RNF150: variants seen among roughly 807,000 people sequenced by gnomAD.
The protein encoded by RNF150 is ring finger protein 150.
Under a neutral mutation model 39.3 loss-of-function variants are expected in RNF150, and 24 were observed. The ratio of observed to expected loss-of-function variants is 0.61; its 90% CI spans 0.44 to 0.86. The LOEUF (loss-of-function observed/expected upper bound fraction) is 0.86. RNF150 is among the 40% of genes least tolerant of loss of function. The pLI is 0.00. For missense variants in RNF150, 502 were observed against 587.8 expected (o/e 0.85, Z 1.51); for synonymous variants, 255 against 227.3 (o/e 1.12, Z -1.10).
intron 1 of RNF150, among the ~76,000 whole-genome samples, chr4:141,088,289 T>G (rs1738443010): frequency 6.6e-6 from 1 of 152,128 alleles, no homozygotes; most frequent in Non-Finnish European, 1.5e-5. Flanking sequence ...CGATCCAGTC[T>G]CCTGATTTCT....
chr4:141,103,271 T>C (rs113848991), intron 1 of RNF150, among the ~76,000 whole-genome samples: 34 of 152,330 alleles, frequency 2.2e-4, no homozygotes, highest in African/African-American at 7.7e-4. Context: ...TAGATCCTCA[T>C]GGATTTATGT....
At chr4:140,991,151 G>A (rs1734184552) in intron 1 of RNF150, among the ~76,000 whole-genome samples, 1 of 152,112 alleles carries the variant, frequency 6.6e-6, no homozygotes, top group African/African-American at 2.4e-5. Context: ...CTTCTTTTGA[G>A]AAGTATCTGT....
chr4:141,056,956 T>C (rs1382259350), intron 1 of RNF150, among the ~76,000 whole-genome samples: 3 of 152,108 alleles, frequency 2.0e-5, no homozygotes, highest in Admixed American at 2.0e-4. Flanking sequence ...GATAATAGTG[T>C]AGTTACTTAA....
chr4:140,964,564 C>A (rs941369097), intron 2 of RNF150, among the ~76,000 whole-genome samples: 1 of 151,870 alleles, frequency 6.6e-6, no homozygotes, highest in Non-Finnish European at 1.5e-5. Context: ...CTAGAACTAA[C>A]TGAAGAAAAG....
intron 1 of RNF150, among the ~76,000 whole-genome samples, chr4:141,187,999 C>A (rs1578787833): frequency 6.6e-6 from 1 of 151,968 alleles, no homozygotes; most frequent in African/African-American, 2.4e-5. Flanking sequence ...TTTTCCTTTC[C>A]ATATTTAGTG....
In RNF150 at chr4:140,965,309, C is replaced by A. The variant is rs534296883; in HGVS notation, c.735+2314G>T. Among the ~76,000 whole-genome samples, 68 of 152,038 alleles carry A rather than the reference C, an allele frequency of 4.5e-4. 1 individual carries two copies. Among genetic ancestry groups the A allele is most frequent in the Non-Finnish European group, 8.7e-4 (59 of 67,940 alleles). Reference sequence around the variant, plus strand: ...TTGGTGGGAATGTAGATGGGCACAGCCATTAGGGGAAACGGTACAGAGGTT... The same window carrying A: ...TTGGTGGGAATGTAGATGGGCACAGACATTAGGGGAAACGGTACAGAGGTT... On this transcript the variant is annotated intron_variant, in intron 2 of 6. Coordinates refer to ENST00000515673, the MANE Select transcript of RNF150 (RefSeq NM_020724.2).
chr4:140,884,713 G>A (rs2111212403), intron 6 of RNF150, among the ~76,000 whole-genome samples: 1 of 152,166 alleles, frequency 6.6e-6, no homozygotes, highest in Non-Finnish European at 1.5e-5. Flanking sequence ...CTGACCTGCT[G>A]CCTTGTTCCT....
chr4:141,004,568 T>A lies in RNF150; in HGVS notation c.485-36695A>T, dbSNP rs182177868. Among the ~76,000 whole-genome samples the A allele has an allele frequency of 1.7e-3, 266 of 152,334 alleles. 1 individual carries two copies. The highest frequency in any genetic ancestry group is 1.7e-3 in the Non-Finnish European group (115 of 68,026). On this transcript the variant is annotated intron_variant, in intron 1 of 6. Transcript: ENST00000515673. ...AATGTTCTAGAAATGCAGTTGTTGGTGAGAACTCTCCCATAAGAGGCTACA... is the reference window on the plus strand; with the variant it reads ...AATGTTCTAGAAATGCAGTTGTTGGAGAGAACTCTCCCATAAGAGGCTACA...
intron 1 of RNF150, among the ~76,000 whole-genome samples, chr4:141,001,540 C>T (rs73860203): frequency 0.075 from 11,340 of 152,032 alleles, 472 homozygotes; most frequent in Middle Eastern, 0.16. Flanking sequence ...TTTTTACAAG[C>T]TTTCATTAAT....
At chr4:141,101,432 G>A (rs934333858) in intron 1 of RNF150, among the ~76,000 whole-genome samples, 7 of 139,982 alleles carry the variant, frequency 5.0e-5, no homozygotes, top group African/African-American at 1.7e-4. Context: ...CCATTGGAAG[G>A]TCTTCAGGGG....
At chr4:141,148,953 T>C (rs1727249802) in intron 1 of RNF150, among the ~76,000 whole-genome samples, 1 of 152,196 alleles carries the variant, frequency 6.6e-6, no homozygotes, top group Non-Finnish European at 1.5e-5. Flanking sequence ...AGTCCATCCA[T>C]AGAGCCTGTC....
At chr4:140,931,295 G>A in intron 4 of RNF150, among the ~76,000 whole-genome samples, 1 of 87,412 alleles carries the variant, frequency 1.1e-5, no homozygotes, top group East Asian at 3.3e-4. Flanking sequence ...AAAAAAATCA[G>A]AGGGAGAACT....
intron 1 of RNF150, among the ~76,000 whole-genome samples, chr4:141,070,602 A>T (rs941763755): frequency 6.6e-6 from 1 of 151,026 alleles, no homozygotes; most frequent in Non-Finnish European, 1.5e-5. Flanking sequence ...AAAAGAAGAC[A>T]TTTATGCAGC....
intron 1 of RNF150, among the ~76,000 whole-genome samples, chr4:141,127,869 C>T (rs1726792292): frequency 6.6e-6 from 1 of 152,152 alleles, no homozygotes; most frequent in Admixed American, 6.5e-5. Context: ...CATACCATTT[C>T]CTCAACATCA....
At chr4:140,994,279 T>C (rs1005888284) in intron 1 of RNF150, among the ~76,000 whole-genome samples, 6 of 152,184 alleles carry the variant, frequency 3.9e-5, no homozygotes, top group Admixed American at 1.3e-4. Flanking sequence ...GCCAGATCTC[T>C]CCACATTAAA....
intron 1 of RNF150, among the ~76,000 whole-genome samples, chr4:141,039,775 T>A (rs1669308711): frequency 6.6e-6 from 1 of 152,092 alleles, no homozygotes; most frequent in Non-Finnish European, 1.5e-5. Flanking sequence ...GCTGATGATT[T>A]CCCCAGAGTC....
At chr4:140,952,448 T>C (rs1578998278) in intron 2 of RNF150, among the ~76,000 whole-genome samples, 1 of 152,232 alleles carries the variant, frequency 6.6e-6, no homozygotes. Context: ...AAAGACTGCA[T>C]TAAACTTTGG....
chr4:140,997,803 G>A (rs894951059), intron 1 of RNF150, among the ~76,000 whole-genome samples: 2 of 150,006 alleles, frequency 1.3e-5, no homozygotes, highest in Non-Finnish European at 3.0e-5. Flanking sequence ...AAGTCTAGAA[G>A]TATGCTATAT....
At chr4:141,136,065 A>G (rs1054912785), upstream of RNF150, among the ~76,000 whole-genome samples, 8 of 152,242 alleles carry the variant, frequency 5.3e-5, no homozygotes, top group African/African-American at 1.9e-4. Context: ...CTTATGAGAG[A>G]CAGAGAAAAA....
Sources: allele counts gnomAD v4.1 joint callset (sites outside exome capture counted in the v4.1 genomes callset), GRCh38; gene constraint gnomAD v4.1.1; transcripts MANE v1.5; gene names NCBI Gene and HGNC (gene_info 2026-07-23, HGNC 2026-07-21).